Variants in PRKD1 observed in about 807,000 individuals in gnomAD.
PRKD1 encodes serine/threonine-protein kinase D1.
Under a neutral mutation model 95.9 loss-of-function variants are expected in PRKD1, and 63 were observed. The ratio of observed to expected loss-of-function variants is 0.66; its 90% CI spans 0.54 to 0.81. The LOEUF (loss-of-function observed/expected upper bound fraction) is 0.81. PRKD1 is among the 30% of genes least tolerant of loss of function. The probability of loss-of-function intolerance (pLI) is 0.00; values close to 1 mark genes in which losing one functional copy is unlikely to be tolerated. For synonymous variants in PRKD1, 425 were observed against 423.1 expected (o/e 1.00, Z -0.05); for missense variants, 1,048 against 1,165.3 (o/e 0.90, Z 1.47).
chr14:29,803,796 T>A (rs1233121984), intron 1 of PRKD1, among the ~76,000 whole-genome samples: 1 of 152,214 alleles, frequency 6.6e-6, no homozygotes, highest in Admixed American at 6.5e-5. Flanking sequence ...ATGCTTAGAC[T>A]GACTTAATAT....
At chr14:29,775,191 C>G (rs181587590) in intron 1 of PRKD1, among the ~76,000 whole-genome samples, 3 of 152,108 alleles carry the variant, frequency 2.0e-5, no homozygotes, top group African/African-American at 7.2e-5. Flanking sequence ...CGAATAGGAA[C>G]AGCTCCATTC....
At chr14:29,871,165 A>G (rs2139377526) in intron 1 of PRKD1, among the ~76,000 whole-genome samples, 1 of 152,340 alleles carries the variant, frequency 6.6e-6, no homozygotes, top group Middle Eastern at 3.4e-3. Flanking sequence ...AAAACTGAGC[A>G]GAGACCTTCC....
chr14:29,724,826 T>C (rs1041790357), intron 2 of PRKD1, among the ~76,000 whole-genome samples: 1 of 152,230 alleles, frequency 6.6e-6, no homozygotes, highest in Non-Finnish European at 1.5e-5. Context: ...AAAATTTGGA[T>C]ACATTATCAT....
At chr14:29,592,532 T>C (rs568966430) in intron 16 of PRKD1, among the ~76,000 whole-genome samples, 6 of 152,086 alleles carry the variant, frequency 3.9e-5, no homozygotes, top group Non-Finnish European at 8.8e-5. Context: ...TGTAGTTTTA[T>C]ATATATGAAT....
intron 1 of PRKD1, among the ~76,000 whole-genome samples, chr14:29,803,880 CT>C (rs1475434740): frequency 6.6e-6 from 1 of 152,188 alleles, no homozygotes; most frequent in Non-Finnish European, 1.5e-5. Context: ...CTTTATCTTT[CT>C]TGCTATCCTG....
intron 13 of PRKD1, among the ~76,000 whole-genome samples, chr14:29,616,708 T>C (rs1044315744): frequency 1.3e-5 from 2 of 152,206 alleles, no homozygotes; most frequent in Admixed American, 6.5e-5. Context: ...GGCAGGGCTG[T>C]GTGGCTTTCT....
intron 2 of PRKD1, among the ~76,000 whole-genome samples, chr14:29,703,016 T>G (rs994990806): frequency 6.6e-6 from 1 of 152,178 alleles, no homozygotes; most frequent in Non-Finnish European, 1.5e-5. Context: ...GAACATAGCC[T>G]GGGAGGTTTC....
intron 13 of PRKD1, among the ~76,000 whole-genome samples, chr14:29,615,420 ACT>A (rs1439904856): frequency 6.6e-6 from 1 of 152,206 alleles, no homozygotes; most frequent in African/African-American, 2.4e-5. Flanking sequence ...TTTGAAGATC[ACT>A]CTTTTAAAAT....
intron 1 of PRKD1, among the ~76,000 whole-genome samples, chr14:29,729,516 C>G (rs1176201524): frequency 6.6e-6 from 1 of 152,030 alleles, no homozygotes; most frequent in Non-Finnish European, 1.5e-5. Context: ...AGTGATGTCT[C>G]TTCATTAATT....
At chr14:29,663,148 C>CATATATATATATATATATATATAT (rs61506580) in intron 4 of PRKD1, among the ~76,000 whole-genome samples, 8 of 131,654 alleles carry the variant, frequency 6.1e-5, no homozygotes, top group South Asian at 2.5e-4. Flanking sequence ...AATATTCTTC[C>CATATATATATATATATATATATAT]ATATATATAT....
At chr14:29,877,849 T>C (rs1382868016) in intron 1 of PRKD1, among the ~76,000 whole-genome samples, 1 of 152,164 alleles carries the variant, frequency 6.6e-6, no homozygotes, top group Admixed American at 6.5e-5. Flanking sequence ...CACATGCAAG[T>C]GAATGTTCAC....
intron 1 of PRKD1, among the ~76,000 whole-genome samples, chr14:29,893,499 G>A (rs1380620597): frequency 6.6e-6 from 1 of 151,730 alleles, no homozygotes; most frequent in Non-Finnish European, 1.5e-5. Context: ...ATTTCCACTT[G>A]TTAAACGTAT....
At chr14:29,890,615 C>T (rs963137822) in intron 1 of PRKD1, among the ~76,000 whole-genome samples, 1 of 152,104 alleles carries the variant, frequency 6.6e-6, no homozygotes, top group African/African-American at 2.4e-5. Flanking sequence ...GCTCTCTGGC[C>T]TTTCTCTTTT....
At chr14:29,701,529 A>T (rs1884842590) in intron 2 of PRKD1, among the ~76,000 whole-genome samples, 1 of 152,148 alleles carries the variant, frequency 6.6e-6, no homozygotes, top group Non-Finnish European at 1.5e-5. Flanking sequence ...CTATTTGGTT[A>T]TTTGCAATTC....
In PRKD1 at chr14:29,927,257, C is replaced by G. The variant is rs761182562; in HGVS notation, c.256G>C (p.Asp86His). The change falls in exon 1 of 18, where the codon GAC becomes CAC. Residue 86 changes from aspartate (D) to histidine (H), a missense_variant. Coordinates refer to ENST00000331968, the MANE Select transcript of PRKD1 (RefSeq NM_002742.3). ...HVREMACSIV[D>H]QKFPECGFYG... ...GCGGTGCGGCGACTTACCTTCTGGT[C>G]GACAATGGAGCAAGCCATCTCGCGG... 7 of 1,507,124 alleles carry G rather than the reference C, an allele frequency of 4.6e-6. No homozygotes were observed. The highest frequency in any genetic ancestry group is 6.2e-6 in the Non-Finnish European group (7 of 1,128,480). 93.4% of individuals were successfully genotyped at this position (1,507,124 alleles called of 1,614,324 possible).
chr14:29,832,629 A>G (rs1891457647), intron 1 of PRKD1, among the ~76,000 whole-genome samples: 1 of 151,862 alleles, frequency 6.6e-6, no homozygotes. Context: ...CTTATTTGTA[A>G]CCTCCTCAGA....
chr14:29,654,375 T>C (rs1881711218), intron 4 of PRKD1, among the ~76,000 whole-genome samples: 1 of 152,092 alleles, frequency 6.6e-6, no homozygotes, highest in South Asian at 2.1e-4. Context: ...GGTTTCACCA[T>C]GTTGACCAGG....
At chr14:29,818,134 T>A (rs923928360) in intron 1 of PRKD1, among the ~76,000 whole-genome samples, 2 of 152,182 alleles carry the variant, frequency 1.3e-5, no homozygotes, top group Non-Finnish European at 2.9e-5. Flanking sequence ...AAATGAAAGA[T>A]GACCATGCTT....
At chr14:29,726,261 G>A (rs1335309058) in intron 1 of PRKD1, among the ~76,000 whole-genome samples, 2 of 152,072 alleles carry the variant, frequency 1.3e-5, no homozygotes, top group Non-Finnish European at 2.9e-5. Context: ...CATTCCATGT[G>A]GCTTTCATGC....
Sources: allele counts gnomAD v4.1 joint callset (sites outside exome capture counted in the v4.1 genomes callset), GRCh38; gene constraint gnomAD v4.1.1; transcripts MANE v1.5; gene names NCBI Gene and HGNC (gene_info 2026-07-23, HGNC 2026-07-21).